Variants in ANAPC1 observed in about 807,000 individuals in gnomAD.
ANAPC1 encodes anaphase-promoting complex subunit 1.
Under a neutral mutation model 208.0 loss-of-function variants are expected in ANAPC1, and 36 were observed. The observed-to-expected ratio is 0.17, with a 90% confidence interval of 0.13 to 0.23. The LOEUF (loss-of-function observed/expected upper bound fraction) is 0.23, where lower values mean the gene tolerates loss of function less well. Among genes scored for constraint, ANAPC1 ranks in the 10% least tolerant of loss-of-function variants. The pLI is 1.00. For missense variants in ANAPC1, 942 were observed against 2,011.6 expected, an observed-to-expected ratio of 0.47 and a Z score of 10.17; for synonymous variants, 378 against 695.2, an observed-to-expected ratio of 0.54 and a Z score of 7.18.
At chr2:111,869,253 A>ATC in intron 6 of ANAPC1, among the ~76,000 whole-genome samples, 1 of 150,558 alleles carries the variant, frequency 6.6e-6, no homozygotes, top group South Asian at 2.1e-4. Flanking sequence ...CTTGTTATTT[A>ATC]TTTTTTTTTT....
chr2:111,876,671 A>G (rs1683040139), intron 3 of ANAPC1, among the ~76,000 whole-genome samples: 5 of 152,214 alleles, frequency 3.3e-5, no homozygotes, highest in Admixed American at 3.3e-4. Flanking sequence ...CAGGACACAA[A>G]TGCTTTCACA....
In ANAPC1 at chr2:111,847,791, A is replaced by G; in HGVS notation, c.1725T>C (p.Cys575=). The G allele has an allele frequency of 6.2e-7, 1 of 1,609,070 alleles. No homozygotes were observed. Among genetic ancestry groups the G allele is most frequent in the Non-Finnish European group, 8.5e-7 (1 of 1,177,820 alleles). Residue 575 remains cysteine (C), a synonymous_variant, in exon 15 of 48, where the codon TGT becomes TGC. Coordinates refer to ENST00000341068, the MANE Select transcript of ANAPC1 (RefSeq NM_022662.4). ...TGTAAGTTCCAAGCTGTTGGAAAGT[A>G]CAATCCTCATTATAGAGAGAATCAT... The part of the protein sequence containing the change: ...KLHDSLYNED[C]TFQQLGTYIH...
Sources: allele counts gnomAD v4.1 joint callset (sites outside exome capture counted in the v4.1 genomes callset), GRCh38; gene constraint gnomAD v4.1.1; transcripts MANE v1.5; gene names NCBI Gene and HGNC (gene_info 2026-07-23, HGNC 2026-07-21).